ESRRG: variants seen among roughly 807,000 people sequenced by gnomAD.
ESRRG encodes estrogen related receptor gamma, also known as estrogen-related receptor gamma.
A neutral mutation model predicts 44.0 loss-of-function variants in ESRRG; 13 were observed. The observed-to-expected ratio is 0.30, with a 90% CI of 0.19 to 0.47. The LOEUF (loss-of-function observed/expected upper bound fraction) is 0.47. Among genes scored for constraint, ESRRG ranks in the 20% least tolerant of loss-of-function variants. The probability of loss-of-function intolerance (pLI) is 1.00; values close to 1 mark genes in which losing one functional copy is unlikely to be tolerated. For synonymous variants in ESRRG, 215 were observed against 214.6 expected (o/e 1.00, Z -0.02); for missense variants, 395 against 580.6 (o/e 0.68, Z 3.29).
At chr1:216,770,755 A>G (rs1455463906) in intron 2 of ESRRG, among the ~76,000 whole-genome samples, 1 of 152,098 alleles carries the variant, frequency 6.6e-6, no homozygotes, top group Non-Finnish European at 1.5e-5. Context: ...TTTTGTACGT[A>G]ACTATTCAAC....
chr1:217,081,492 G>T (rs1476992546), intron 1 of ESRRG, among the ~76,000 whole-genome samples: 1 of 152,128 alleles, frequency 6.6e-6, no homozygotes, highest in Admixed American at 6.5e-5. Context: ...CTCCCAAAGT[G>T]CTGGGATCAC....
At chr1:216,618,317 T>G (rs2150415666) in intron 3 of ESRRG, among the ~76,000 whole-genome samples, 1 of 152,322 alleles carries the variant, frequency 6.6e-6, no homozygotes, top group Admixed American at 6.5e-5. Flanking sequence ...TCACACTGCC[T>G]TTTTGGACCA....
intron 1 of ESRRG, among the ~76,000 whole-genome samples, chr1:217,014,695 T>A (rs2079093183): frequency 1.3e-5 from 2 of 152,188 alleles, no homozygotes; most frequent in Non-Finnish European, 2.9e-5. Flanking sequence ...AACTTCTTCA[T>A]CTTAGGATGT....
intron 1 of ESRRG, among the ~76,000 whole-genome samples, chr1:216,696,447 T>A (rs546540550): frequency 1.3e-5 from 2 of 152,324 alleles, no homozygotes; most frequent in South Asian, 4.1e-4. Context: ...TGTACCTGTC[T>A]TGACTATTTG....
intron 3 of ESRRG, among the ~76,000 whole-genome samples, chr1:216,588,445 TA>T (rs1239489773): frequency 1.3e-5 from 2 of 152,162 alleles, no homozygotes; most frequent in African/African-American, 2.4e-5. Flanking sequence ...AAAATAGAAA[TA>T]AATAACTATA....
chr1:216,912,314 CAGAA>C (rs1193795646), intron 2 of ESRRG, among the ~76,000 whole-genome samples: 4 of 93,294 alleles, frequency 4.3e-5, no homozygotes, highest in South Asian at 3.6e-4. Context: ...GAGGGAAGGA[CAGAA>C]GGAAGGAAGG....
upstream of ESRRG, among the ~76,000 whole-genome samples, chr1:217,091,507 G>A (rs1017933409): frequency 2.0e-5 from 3 of 152,174 alleles, no homozygotes; most frequent in Admixed American, 6.6e-5. Flanking sequence ...ATTCCACAGG[G>A]AAGATATTGT....
chr1:216,557,773 C>T (rs1362461376), intron 5 of ESRRG, among the ~76,000 whole-genome samples: 1 of 152,098 alleles, frequency 6.6e-6, no homozygotes, highest in Non-Finnish European at 1.5e-5. Context: ...TTTATGCAGA[C>T]ATAGATCCAT....
intron 5 of ESRRG, among the ~76,000 whole-genome samples, chr1:216,540,221 A>T (rs1266508175): frequency 1.3e-5 from 2 of 152,042 alleles, no homozygotes; most frequent in Non-Finnish European, 2.9e-5. Context: ...ATCTCAGAAA[A>T]GCCAATAGAC....
intron 2 of ESRRG, among the ~76,000 whole-genome samples, chr1:216,754,379 T>C (rs2092309268): frequency 6.6e-6 from 1 of 152,038 alleles, no homozygotes. Flanking sequence ...TCCCGTATCT[T>C]TTTCAGTATT....
At chr1:216,926,412 GAAAA>G (rs35546963) in intron 2 of ESRRG, among the ~76,000 whole-genome samples, 1 of 127,886 alleles carries the variant, frequency 7.8e-6, no homozygotes, top group Admixed American at 7.9e-5. Flanking sequence ...TAACACCTAT[GAAAA>G]AAAAAAAAAA....
intron 6 of ESRRG, among the ~76,000 whole-genome samples, chr1:216,508,271 G>C (rs965279465): frequency 4.6e-5 from 7 of 152,082 alleles, no homozygotes; most frequent in Non-Finnish European, 1.0e-4. Context: ...AAGATAACCA[G>C]TAGCATGTCT....
At chr1:216,970,328 C>G (rs939731588) in intron 1 of ESRRG, among the ~76,000 whole-genome samples, 2 of 152,136 alleles carry the variant, frequency 1.3e-5, no homozygotes, top group African/African-American at 4.8e-5. Flanking sequence ...AAAGTATTTT[C>G]CCATTAAAGC....
intron 2 of ESRRG, among the ~76,000 whole-genome samples, chr1:216,757,730 G>A (rs1461088687): frequency 1.3e-5 from 2 of 152,032 alleles, no homozygotes; most frequent in Non-Finnish European, 2.9e-5. Context: ...GAGAGATATA[G>A]TCCTGTCTAA....
At chr1:216,912,118 A>T (rs2060388346) in intron 2 of ESRRG, among the ~76,000 whole-genome samples, 1 of 10,348 alleles carries the variant, frequency 9.7e-5, no homozygotes, top group Non-Finnish European at 1.6e-4. Flanking sequence ...AAGAAAAGAA[A>T]AGAAAAGAAA....
At chr1:216,555,694 T>G (rs191634907) in intron 5 of ESRRG, among the ~76,000 whole-genome samples, 1 of 152,316 alleles carries the variant, frequency 6.6e-6, no homozygotes, top group Admixed American at 6.5e-5. Flanking sequence ...TCCTCTGCTC[T>G]TTGTTTTTCA....
At chr1:216,651,493 G>T in intron 2 of ESRRG, among the ~76,000 whole-genome samples, 1 of 152,304 alleles carries the variant, frequency 6.6e-6, no homozygotes, top group East Asian at 1.9e-4. Flanking sequence ...ATACTTTGGT[G>T]CATCAGGCTT....
chr1:216,622,195 T>C (rs2062364105), intron 3 of ESRRG, among the ~76,000 whole-genome samples: 1 of 152,250 alleles, frequency 6.6e-6, no homozygotes, highest in South Asian at 2.1e-4. Context: ...AAAGTTATCC[T>C]TCTGAGGCTT....
At chr1:216,529,717 A>T (rs2048722164) in intron 5 of ESRRG, among the ~76,000 whole-genome samples, 1 of 152,176 alleles carries the variant, frequency 6.6e-6, no homozygotes, top group African/African-American at 2.4e-5. Context: ...ATTTTTATGA[A>T]TTTTCATTTT....
Sources: gnomAD v4.1 joint callset for allele counts (sites outside exome capture counted in the v4.1 genomes callset) on GRCh38, gnomAD v4.1.1 for gene constraint, MANE v1.5 for transcripts, NCBI Gene and HGNC (gene_info 2026-07-23, HGNC 2026-07-21) for gene names.